ERO1B: variants seen among roughly 807,000 people sequenced by gnomAD.
ERO1B encodes endoplasmic reticulum oxidoreductase 1 beta, also known as ERO1-like protein beta.
Under a neutral mutation model 75.3 loss-of-function variants are expected in ERO1B, and 49 were observed. The observed-to-expected ratio is 0.65, with a 90% CI of 0.52 to 0.83. The LOEUF (loss-of-function observed/expected upper bound fraction) is 0.83. Among genes scored for constraint, ERO1B ranks in the 40% least tolerant of loss-of-function variants. ERO1B has a pLI of 0.00. For missense variants in ERO1B, 512 were observed against 560.1 expected, an observed-to-expected ratio of 0.91 and a Z score of 0.87; for synonymous variants, 191 against 192.9, an observed-to-expected ratio of 0.99 and a Z score of 0.08.
chr1:236,277,680 G>A (rs898712889), intron 1 of ERO1B, among the ~76,000 whole-genome samples: 2 of 152,104 alleles, frequency 1.3e-5, no homozygotes, highest in Non-Finnish European at 2.9e-5. Flanking sequence ...TCTTCTGATT[G>A]CTCCAATTTT....
chr1:236,268,692 C>G (rs981246340), intron 2 of ERO1B, among the ~76,000 whole-genome samples: 1 of 151,496 alleles, frequency 6.6e-6, no homozygotes, highest in Non-Finnish European at 1.5e-5. Context: ...CAAGACCATC[C>G]TGGCTAACAT....
At chr1:236,234,148 A>G (rs1664482906) in intron 8 of ERO1B, among the ~76,000 whole-genome samples, 1 of 152,192 alleles carries the variant, frequency 6.6e-6, no homozygotes. Flanking sequence ...TACTTCATAG[A>G]GTACTCCTAT....
chr1:236,253,873 C>T (rs1665098832), intron 2 of ERO1B, among the ~76,000 whole-genome samples: 1 of 152,208 alleles, frequency 6.6e-6, no homozygotes, highest in Non-Finnish European at 1.5e-5. Context: ...TCCCCTATCC[C>T]TCTGGAACTT....
intron 9 of ERO1B, among the ~76,000 whole-genome samples, chr1:236,231,776 G>A (rs988886340): frequency 2.0e-5 from 3 of 152,008 alleles, no homozygotes; most frequent in East Asian, 3.8e-4. Flanking sequence ...AAATGAAAAC[G>A]TCTAACAAAT....
chr1:236,271,269 A>C (rs1172985796), intron 1 of ERO1B, among the ~76,000 whole-genome samples: 1 of 152,220 alleles, frequency 6.6e-6, no homozygotes, highest in African/African-American at 2.4e-5. Flanking sequence ...CATAGGAGGA[A>C]TATATGCAAG....
At chr1:236,238,713 CATAT>C (rs369314489) in intron 6 of ERO1B, among the ~76,000 whole-genome samples, 185 of 151,600 alleles carry the variant, frequency 1.2e-3, no homozygotes, top group African/African-American at 4.4e-3. Flanking sequence ...TTCTCTGACA[CATAT>C]ATATTATATA....
At chr1:236,270,306 A>G (rs969381915) in intron 1 of ERO1B, among the ~76,000 whole-genome samples, 1 of 152,114 alleles carries the variant, frequency 6.6e-6, no homozygotes, top group Non-Finnish European at 1.5e-5. Flanking sequence ...TCCCAAACTA[A>G]CCTAGAAGTT....
chr1:236,269,184 G>A (rs1665534510), intron 2 of ERO1B, among the ~76,000 whole-genome samples: 1 of 152,202 alleles, frequency 6.6e-6, no homozygotes, highest in Non-Finnish European at 1.5e-5. Context: ...GCAGTGAGCT[G>A]AGATTGTGCC....
intron 3 of ERO1B, 75 bp downstream of exon 3, chr1:236,253,347 A>C (rs1383252207): frequency 1.2e-6 from 1 of 859,296 alleles, no homozygotes; most frequent in Non-Finnish European, 1.9e-6. Flanking sequence ...CATTAGCCTG[A>C]AATAAAATAG....
intron 2 of ERO1B, chr1:236,267,964 GAA>G (rs544469571): frequency 1.5e-5 from 2 of 137,324 alleles, no homozygotes; most frequent in Admixed American, 7.3e-5. Flanking sequence ...CCCTCCGGGG[GAA>G]AAAAAAAAAA....
rs747859263 is a variant in ERO1B at position 236,235,818 on chromosome 1, C to T, written c.644G>A (p.Arg215His). The change falls in exon 8 of 16, where the codon CGT (arginine) becomes CAT (histidine). Residue 215 changes from arginine to histidine, a missense_variant. Coordinates refer to ENST00000354619, the MANE Select transcript of ERO1B (RefSeq NM_019891.4). ...ENCFKPRSVYRPLNPLAPSRG... is the reference protein window; with the variant it reads ...ENCFKPRSVYHPLNPLAPSRG... ...GCTAGGCGCCAGAGGATTTAAAGGA[C>T]GATAAACAGATCGAGGCCTGAAAAA... is the stretch of plus-strand genomic sequence containing the variant. 9.9e-6 allele frequency: 16 copies of T among 1,612,714 alleles called. No individual in the cohort carries two copies. Among genetic ancestry groups the T allele is most frequent in the South Asian group, 3.3e-5 (3 of 90,734 alleles).
chr1:236,239,875 A>AT, intron 6 of ERO1B, among the ~76,000 whole-genome samples: 1 of 123,640 alleles, frequency 8.1e-6, no homozygotes. Context: ...ATATATGTGT[A>AT]TATGTGTGTG....
intron 2 of ERO1B, among the ~76,000 whole-genome samples, chr1:236,269,405 A>G (rs535914134): frequency 4.6e-5 from 7 of 152,304 alleles, no homozygotes; most frequent in Admixed American, 3.3e-4. Context: ...AGATTTAAGA[A>G]CCAATTCTGG....
rs1454735451 is a variant in ERO1B, at chr1:236,233,321, AAAG to A, written c.674-485_674-483del. Among the ~76,000 whole-genome samples the A allele has an allele frequency of 5.0e-4, 76 of 151,088 alleles. 1 individual carries two copies. The highest frequency in any genetic ancestry group is 2.8e-3 in the Admixed American group (42 of 15,122). On this transcript the variant is annotated intron_variant, in intron 8 of 15. Transcript: ENST00000354619. ...CAAAATTCCGTCTCAAAAAAAAAAA[AAAG>A]AAGAAGGCTGGGCACGGTGGCTCAG...
intron 6 of ERO1B, among the ~76,000 whole-genome samples, chr1:236,237,951 T>C (rs1265891075): frequency 6.6e-6 from 1 of 152,194 alleles, no homozygotes; most frequent in African/African-American, 2.4e-5. Flanking sequence ...GCAATTATCC[T>C]GTCTCAGCCT....
At chr1:236,231,689 G>A (rs1174356638) in intron 9 of ERO1B, among the ~76,000 whole-genome samples, 1 of 152,084 alleles carries the variant, frequency 6.6e-6, no homozygotes, top group Non-Finnish European at 1.5e-5. Flanking sequence ...ACTCAGATGA[G>A]CTGAGTAAGG....
At chr1:236,250,601 A>ATATATATATAT (rs1558515524) in intron 4 of ERO1B, among the ~76,000 whole-genome samples, 6 of 63,932 alleles carry the variant, frequency 9.4e-5, no homozygotes, top group African/African-American at 3.4e-4. Context: ...ATATATATAT[A>ATATATATATAT]TATATATATA....
chr1:236,259,221 A>G (rs1488709637), intron 2 of ERO1B, among the ~76,000 whole-genome samples: 1 of 152,202 alleles, frequency 6.6e-6, no homozygotes, highest in Admixed American at 6.5e-5. Flanking sequence ...GTAACTACAA[A>G]GCAAAAACCT....
At chr1:236,280,604 C>T (rs1234872218) in intron 1 of ERO1B, among the ~76,000 whole-genome samples, 1 of 152,198 alleles carries the variant, frequency 6.6e-6, no homozygotes, top group East Asian at 1.9e-4. Context: ...GGTTCAAACA[C>T]AGACACAAAC....
Sources: gnomAD v4.1 joint callset for allele counts (sites outside exome capture counted in the v4.1 genomes callset) on GRCh38, gnomAD v4.1.1 for gene constraint, MANE v1.5 for transcripts, NCBI Gene and HGNC (gene_info 2026-07-23, HGNC 2026-07-21) for gene names.